Variants in PBK observed in about 807,000 individuals in gnomAD.
PBK encodes the protein lymphokine-activated killer T-cell-originated protein kinase.
In PBK, 22 loss-of-function variants were observed where a neutral mutation model predicts 33.5. That is an observed-to-expected ratio of 0.66 (90% CI 0.47 to 0.94). The LOEUF (loss-of-function observed/expected upper bound fraction) is 0.94, where lower values mean the gene tolerates loss of function less well. Among genes scored for constraint, PBK ranks in the 40% least tolerant of loss-of-function variants. PBK has a pLI of 0.00. For missense variants in PBK, 376 were observed against 383.4 expected (o/e 0.98, Z 0.16); for synonymous variants, 129 against 123.8 (o/e 1.04, Z -0.28).
At chr8:27,826,938 G>A (rs1806037645) in intron 3 of PBK, among the ~76,000 whole-genome samples, 1 of 151,810 alleles carries the variant, frequency 6.6e-6, no homozygotes, top group African/African-American at 2.4e-5. Flanking sequence ...AAACCTGTGA[G>A]AATTTTTTTC....
chr8:27,822,285 A>C (rs1805943375), intron 5 of PBK, 34 bp downstream of exon 5: 1 of 1,425,350 alleles, frequency 7.0e-7, no homozygotes, highest in African/African-American at 1.4e-5. Flanking sequence ...ATGAACAAAA[A>C]CAGAAGTCAT....
At chr8:27,831,546 G>GAAAAT (rs59263890) in intron 2 of PBK, among the ~76,000 whole-genome samples, 23,652 of 151,388 alleles carry the variant, frequency 0.16, 2,335 homozygotes, top group East Asian at 0.36. Flanking sequence ...GACATTTGTA[G>GAAAAT]AACATTGACA....
intron 5 of PBK, among the ~76,000 whole-genome samples, chr8:27,821,957 A>G (rs1338849820): frequency 6.6e-6 from 1 of 152,200 alleles, no homozygotes; most frequent in South Asian, 2.1e-4. Flanking sequence ...AACTGCCTAT[A>G]GTATTCAGTA....
intron 3 of PBK, among the ~76,000 whole-genome samples, chr8:27,823,769 CTT>C (rs1478361264): frequency 6.6e-6 from 1 of 151,962 alleles, no homozygotes; most frequent in African/African-American, 2.4e-5. Context: ...AAATTTTAAA[CTT>C]TCTATTTTCT....
chr8:27,827,508 G>C (rs755198513), intron 3 of PBK, among the ~76,000 whole-genome samples: 18 of 152,198 alleles, frequency 1.2e-4, no homozygotes, highest in Non-Finnish European at 2.6e-4. Flanking sequence ...CTGGTCAACA[G>C]AGTGAGACTC....
chr8:27,817,493 G>T (rs1563489840), intron 6 of PBK, among the ~76,000 whole-genome samples: 3 of 151,632 alleles, frequency 2.0e-5, no homozygotes, highest in Non-Finnish European at 4.4e-5. Flanking sequence ...CTTTTATTAG[G>T]ATTATTAACT....
intron 3 of PBK, 63 bp from the exon 4 acceptor site, chr8:27,823,268 A>T (rs998117352): frequency 2.1e-5 from 23 of 1,082,710 alleles, no homozygotes; most frequent in Non-Finnish European, 2.8e-5. Flanking sequence ...TTTTAAAATG[A>T]CTTCCAAATT....
chr8:27,818,930 C>G (rs1449641854), intron 6 of PBK, among the ~76,000 whole-genome samples: 1 of 152,044 alleles, frequency 6.6e-6, no homozygotes, highest in East Asian at 1.9e-4. Flanking sequence ...GTGTTTTTTT[C>G]TAAAATGTCC....
chr8:27,830,205 G>GAAAAAAAAAAAAAAAAAAAAAAAA, intron 2 of PBK, among the ~76,000 whole-genome samples: 1 of 92,952 alleles, frequency 1.1e-5, no homozygotes, highest in Non-Finnish European at 2.2e-5. Context: ...TCTGTCTCAA[G>GAAAAAAAAAAAAAAAAAAAAAAAA]AAAAAAAAAA....
intron 6 of PBK, chr8:27,812,470 C>CA (rs1805707450): frequency 6.6e-6 from 1 of 152,036 alleles, no homozygotes; most frequent in Non-Finnish European, 1.5e-5. Context: ...CCAAAACAGA[C>CA]AAATGGGATC....
intron 2 of PBK, among the ~76,000 whole-genome samples, chr8:27,830,891 A>C (rs1160213919): frequency 2.6e-5 from 4 of 152,234 alleles, no homozygotes; most frequent in African/African-American, 9.6e-5. Flanking sequence ...AACATCATTA[A>C]AACACAAATC....
chr8:27,832,871 T>C lies in PBK; in HGVS notation c.58+185A>G, dbSNP rs115926336. Among the ~76,000 whole-genome samples, 367 of 152,310 alleles carry C rather than the reference T, an allele frequency of 2.4e-3. 4 individuals carry two copies. The highest frequency in any genetic ancestry group is 8.2e-3 in the African/African-American group (340 of 41,578). On this transcript the variant is annotated intron_variant, in intron 2 of 7. Transcript: ENST00000301905. ...AAACCTGTTAGATTGTCAATAAAAT[T>C]AGTCCAGAGATGATCAAACCGTGGC...
intron 2 of PBK, among the ~76,000 whole-genome samples, chr8:27,828,744 C>CAAAAAAAAAAA (rs34388320): frequency 1.2e-5 from 1 of 82,600 alleles, no homozygotes; most frequent in Non-Finnish European, 2.3e-5. Context: ...GACACAGTCT[C>CAAAAAAAAAAA]AAAAAAAAAA....
chr8:27,830,967 G>C (rs1199350709), intron 2 of PBK, among the ~76,000 whole-genome samples: 2 of 152,198 alleles, frequency 1.3e-5, no homozygotes, highest in Non-Finnish European at 2.9e-5. Context: ...GAGTACCACT[G>C]AGGATTAAGA....
intron 3 of PBK, among the ~76,000 whole-genome samples, chr8:27,824,020 T>C (rs1805980869): frequency 6.6e-6 from 1 of 152,064 alleles, no homozygotes; most frequent in Non-Finnish European, 1.5e-5. Context: ...AAAGATCTGT[T>C]TAGCTTTGGA....
chr8:27,811,023 G>C lies in PBK; in HGVS notation c.707C>G (p.Thr236Ser). Residue 236 changes from threonine (T) to serine (S), a missense_variant, in exon 7 of 8, where the codon ACT becomes AGT. Coordinates refer to ENST00000301905, the MANE Select transcript of PBK (RefSeq NM_018492.4). ...DKADIFAFGL[T>S]LWEMMTLSIP... ...CGATAAAGTCATCATTTCCCACAAA[G>C]TAAGGCCAAAGGCAAATATGTCTGC... The C allele has an allele frequency of 6.2e-7, 1 of 1,613,120 alleles. No homozygotes were observed. The highest frequency in any genetic ancestry group is 8.5e-7 in the Non-Finnish European group (1 of 1,179,088).
intron 3 of PBK, among the ~76,000 whole-genome samples, chr8:27,824,501 A>T (rs1805990279): frequency 6.6e-6 from 1 of 152,084 alleles, no homozygotes; most frequent in South Asian, 2.1e-4. Context: ...AAGAGAAAAA[A>T]TATGTAAGTA....
intron 6 of PBK, among the ~76,000 whole-genome samples, chr8:27,813,597 CA>C (rs1805745627): frequency 6.8e-6 from 1 of 146,078 alleles, no homozygotes; most frequent in African/African-American, 2.6e-5. Flanking sequence ...AGCTAATTAA[CA>C]TATCTATCAC....
chr8:27,810,286 A>G lies in PBK; in HGVS notation c.*19T>C. ...ATAAACAGTTATTTACGCAAGCCAC[A>G]CTTCAGCTGAGATGATCACTAGACA... On this transcript the variant is annotated 3_prime_UTR_variant, in exon 8 of 8. Coordinates refer to ENST00000301905, the MANE Select transcript of PBK (RefSeq NM_018492.4). The G allele has an allele frequency of 6.4e-7, 1 of 1,555,014 alleles. No individual in the cohort carries two copies. The highest frequency in any genetic ancestry group is 2.2e-5 in the East Asian group (1 of 44,544).
Sources: gnomAD v4.1 joint callset for allele counts (sites outside exome capture counted in the v4.1 genomes callset) on GRCh38, gnomAD v4.1.1 for gene constraint, MANE v1.5 for transcripts, NCBI Gene and HGNC (gene_info 2026-07-23, HGNC 2026-07-21) for gene names.